RAD51B: variants seen among roughly 807,000 people sequenced by gnomAD.
RAD51B encodes the protein RAD51 paralog B, also known as DNA repair protein RAD51 homolog 2.
A neutral mutation model predicts 42.2 loss-of-function variants in RAD51B; 38 were observed. The observed-to-expected ratio is 0.90, with a 90% CI of 0.70 to 1.18. The LOEUF (loss-of-function observed/expected upper bound fraction) is 1.18, where lower values mean the gene tolerates loss of function less well. Ranked by LOEUF, RAD51B falls within the 50% of genes most tolerant of loss-of-function variation. The pLI, the probability that RAD51B is intolerant of heterozygous loss-of-function variation, is 0.00. For synonymous variants in RAD51B, 154 were observed against 145.2 expected (o/e 1.06, Z -0.43); for missense variants, 373 against 400.7 (o/e 0.93, Z 0.59).
chr14:68,260,298 C>CGTGTGTGTGT lies in RAD51B; in HGVS notation c.757-31574_757-31565dup, dbSNP rs71281749. Among the ~76,000 whole-genome samples the CGTGTGTGTGT allele has an allele frequency of 2.1e-3, 200 of 96,650 alleles. 19 individuals are homozygous for CGTGTGTGTGT. The highest frequency in any genetic ancestry group is 7.4e-3 in the East Asian group (29 of 3,942). 63.4% of individuals were successfully genotyped at this position (96,650 alleles called of 152,430 possible). A position where few individuals can be genotyped will look rare whatever the true frequency, so the allele number is the denominator to read the frequency against. ...AAGAGGGCCAGTGTGGCTGAGAGAC[C>CGTGTGTGTGT]GTGTGTGTGTGTGTGTGTGTGGAGA... On this transcript the variant is annotated intron_variant, in intron 7 of 10. Coordinates refer to ENST00000471583, the MANE Select transcript of RAD51B (RefSeq NM_133510.4).
At chr14:68,489,708 T>A (rs982952855) in intron 10 of RAD51B, among the ~76,000 whole-genome samples, 1 of 152,250 alleles carries the variant, frequency 6.6e-6, no homozygotes, top group Non-Finnish European at 1.5e-5. Context: ...GGGCTGGGAC[T>A]CTGTAGGAAG....
intron 9 of RAD51B, among the ~76,000 whole-genome samples, chr14:68,431,244 A>G (rs2084995719): frequency 6.6e-6 from 1 of 152,170 alleles, no homozygotes. Context: ...AGGCTTTGGT[A>G]TGTGGATGAT....
At chr14:68,241,736 C>T (rs1214297604) in intron 7 of RAD51B, among the ~76,000 whole-genome samples, 2 of 151,786 alleles carry the variant, frequency 1.3e-5, no homozygotes, top group African/African-American at 4.8e-5. Context: ...GCAAGCAGTC[C>T]AGCTCATGTA....
intron 7 of RAD51B, among the ~76,000 whole-genome samples, chr14:67,936,171 A>C (rs778551931): frequency 1.3e-5 from 2 of 152,194 alleles, no homozygotes; most frequent in Non-Finnish European, 2.9e-5. Context: ...AGATTGTGCA[A>C]CGATCACCAC....
At chr14:68,664,603 G>A (rs188432518) in intron 11 of RAD51B, among the ~76,000 whole-genome samples, 1 of 152,288 alleles carries the variant, frequency 6.6e-6, no homozygotes, top group Non-Finnish European at 1.5e-5. Context: ...CTGGAAAAGA[G>A]AGCACAATTC....
At chr14:67,869,778 C>T (rs188606788) in intron 5 of RAD51B, among the ~76,000 whole-genome samples, 4,731 of 152,102 alleles carry the variant, frequency 0.031, 145 homozygotes, top group African/African-American at 0.082. Flanking sequence ...TGGGGGCCAA[C>T]ATTCAACATT....
chr14:68,506,028 T>C (rs1464125069), intron 10 of RAD51B, among the ~76,000 whole-genome samples: 1 of 152,160 alleles, frequency 6.6e-6, no homozygotes, highest in Non-Finnish European at 1.5e-5. Context: ...GGTCCATTTT[T>C]ATCTCCTTCA....
intron 9 of RAD51B, among the ~76,000 whole-genome samples, chr14:68,455,144 G>A (rs569934950): frequency 9.2e-5 from 14 of 152,274 alleles, no homozygotes; most frequent in African/African-American, 3.1e-4. Flanking sequence ...GTGGCTTCAT[G>A]TATAAGGGAC....
chr14:68,406,460 A>AT (rs1385957099), intron 8 of RAD51B, among the ~76,000 whole-genome samples: 1 of 152,216 alleles, frequency 6.6e-6, no homozygotes, highest in Non-Finnish European at 1.5e-5. Context: ...AAAAGGTACA[A>AT]TAAAAATGGT....
At chr14:67,848,523 C>CT (rs887581159) in intron 4 of RAD51B, among the ~76,000 whole-genome samples, 3 of 151,310 alleles carry the variant, frequency 2.0e-5, no homozygotes, top group Non-Finnish European at 2.9e-5. Flanking sequence ...TGAGTCTTGT[C>CT]TTTTTTTTTC....
chr14:67,962,101 T>C lies in RAD51B; in HGVS notation c.756+74897T>C, dbSNP rs1199381540. Among the ~76,000 whole-genome samples, 4 of 152,226 alleles carry C rather than the reference T, an allele frequency of 2.6e-5. No homozygotes were observed. In the East Asian group the frequency reaches 7.7e-4, roughly 29 times the overall value. On this transcript the variant is annotated intron_variant, in intron 7 of 10. Transcript: ENST00000471583. The stretch of plus-strand genomic sequence containing the variant: ...AAACTAACAGATGATATAGAACTAG[T>C]ATGGAATACAATAGAGGTGACTAAA...
rs141370590 is a variant in RAD51B at position 68,549,479 on chromosome 14, G to A, written c.1037-45006G>A. Among the ~76,000 whole-genome samples the A allele has an allele frequency of 7.1e-3, 943 of 132,080 alleles. 13 individuals carry two copies. Among genetic ancestry groups the A allele is most frequent in the African/African-American group, 0.022 (811 of 36,426 alleles). 86.6% of individuals were successfully genotyped at this position (132,080 alleles called of 152,430 possible). ...CGCCCAGGCTGGAGTGCAGTGGCGC[G>A]ATCTCGACTCACTGCAAGCTCCGCC... On this transcript the variant is annotated intron_variant, in intron 10 of 10. Coordinates refer to the RAD51B transcript ENST00000487270.
chr14:68,480,443 T>G (rs749772571), downstream of RAD51B, among the ~76,000 whole-genome samples: 32 of 152,174 alleles, frequency 2.1e-4, no homozygotes, highest in Non-Finnish European at 3.8e-4. Flanking sequence ...AAGATATTAC[T>G]TTTTCTCCCC....
In RAD51B at chr14:68,594,906, TTGC is replaced by T. The variant is rs373096984; in HGVS notation, c.*309_*311del. The stretch of plus-strand genomic sequence containing the variant: ...CCATGGAGTACATTTTCTCCCTGGC[TTGC>T]TGCTGAGCTAAAGGACCAGGGACGT... On this transcript the variant is annotated 3_prime_UTR_variant, in exon 11 of 11. Coordinates refer to the RAD51B transcript ENST00000487270. 3.7e-6 allele frequency: 4 copies of T among 1,092,158 alleles called. No individual in the cohort carries two copies. In the African/African-American group the frequency reaches 4.8e-5, roughly 13 times the overall value. The allele number at this position is 1,092,158 out of a possible 1,614,324, so 67.7% of individuals were successfully genotyped here.
intron 10 of RAD51B, among the ~76,000 whole-genome samples, chr14:68,505,546 C>CTTTTT (rs34764928): frequency 9.8e-5 from 11 of 112,084 alleles, no homozygotes; most frequent in East Asian, 2.9e-4. Context: ...ATTAGCCAAT[C>CTTTTT]TTTTTTTTTT....
intron 11 of RAD51B, among the ~76,000 whole-genome samples, chr14:68,667,077 C>A (rs976469160): frequency 1.3e-5 from 2 of 152,194 alleles, no homozygotes; most frequent in Non-Finnish European, 2.9e-5. Context: ...CTTTCACATT[C>A]TGACTAATGT....
In RAD51B at chr14:68,085,073, A is replaced by G. The variant is rs2076964902; in HGVS notation, c.756+197869A>G. Among the ~76,000 whole-genome samples the G allele has an allele frequency of 2.6e-5, 4 of 152,376 alleles. No homozygotes were observed. In the South Asian group the frequency reaches 8.3e-4, roughly 32 times the overall value. On this transcript the variant is annotated intron_variant, in intron 7 of 10. Coordinates refer to ENST00000471583, the MANE Select transcript of RAD51B (RefSeq NM_133510.4). ...CCAGGCTTTCATTAAGATGAGGACT[A>G]GAGTAGGAAAAACTGTCCTTTCTTT...
At chr14:68,657,378 G>A (rs998836991) in intron 11 of RAD51B, among the ~76,000 whole-genome samples, 4 of 152,172 alleles carry the variant, frequency 2.6e-5, no homozygotes, top group African/African-American at 4.8e-5. Flanking sequence ...ACAGGATCTC[G>A]CTATATTGCC....
intron 5 of RAD51B, among the ~76,000 whole-genome samples, chr14:67,873,944 AG>A (rs537256420): frequency 0.012 from 1,095 of 94,874 alleles, 17 homozygotes; most frequent in African/African-American, 0.041. Context: ...GTTGTGGGGT[AG>A]GGGGAGGGGG....
Sources: gnomAD v4.1 joint callset for allele counts (sites outside exome capture counted in the v4.1 genomes callset) on GRCh38, gnomAD v4.1.1 for gene constraint, MANE v1.5 for transcripts, NCBI Gene and HGNC (gene_info 2026-07-23, HGNC 2026-07-21) for gene names.